CCDC141: variants seen among roughly 807,000 people sequenced by gnomAD.
CCDC141 encodes coiled-coil domain containing 141.
CCDC141 carries 168 observed loss-of-function variants against 181.0 expected under a neutral mutation model. The observed-to-expected ratio is 0.93, with a 90% CI of 0.82 to 1.05. CCDC141 has a LOEUF of 1.05. Among genes scored for constraint, CCDC141 ranks in the 50% least tolerant of loss-of-function variants. The pLI is 0.00. For synonymous variants in CCDC141, 666 were observed against 642.3 expected (o/e 1.04, Z -0.56); for missense variants, 1,902 against 1,788.5 (o/e 1.06, Z -1.14).
chr2:178,989,607 AATAAAT>A (rs1449608315), intron 2 of CCDC141, among the ~76,000 whole-genome samples: 1 of 130,118 alleles, frequency 7.7e-6, no homozygotes, highest in African/African-American at 3.6e-5. Flanking sequence ...AAAAAAAAAA[AATAAAT>A]AAATAAATAA....
chr2:179,049,885 A>C lies in CCDC141; in HGVS notation c.57T>G (p.Val19=), dbSNP rs1484426281. The change falls in exon 1 of 24, where the codon GTT becomes GTG. Residue 19 remains valine, a synonymous_variant. Coordinates refer to ENST00000443758, the MANE Select transcript of CCDC141 (RefSeq NM_173648.4). ...VALSTTTVSS[V]AVQAGDSKIV... is the part of the protein sequence containing the mutation. The stretch of plus-strand genomic sequence containing the variant: ...TTTTGGAGTCCCCAGCCTGCACAGC[A>C]ACTGAACTGACTGTCGTCGTAGAAA... 6.4e-7 allele frequency: 1 copy of C among 1,550,804 alleles called. No homozygotes were observed. Among genetic ancestry groups the C allele is most frequent in the Admixed American group, 2.0e-5 (1 of 51,006 alleles).
chr2:179,019,495 T>C (rs2042635100), intron 2 of CCDC141, among the ~76,000 whole-genome samples: 1 of 152,144 alleles, frequency 6.6e-6, no homozygotes, highest in Non-Finnish European at 1.5e-5. Context: ...TTTAATGACG[T>C]AATATTTATT....
intron 12 of CCDC141, chr2:178,874,585 T>C (rs1686273278): frequency 6.6e-6 from 1 of 152,248 alleles, no homozygotes; most frequent in African/African-American, 2.4e-5. Context: ...GGCAGAGCAG[T>C]GCTTTTGCTT....
At chr2:178,982,902 T>C (rs757046911) in intron 2 of CCDC141, among the ~76,000 whole-genome samples, 16 of 152,196 alleles carry the variant, frequency 1.1e-4, no homozygotes, top group Non-Finnish European at 2.1e-4. Context: ...GCTCCCACCA[T>C]TGCCCAGGCT....
chr2:179,016,930 T>G (rs1033849550), intron 2 of CCDC141, among the ~76,000 whole-genome samples: 3 of 152,040 alleles, frequency 2.0e-5, no homozygotes, highest in Non-Finnish European at 4.4e-5. Context: ...AGGCAAATAT[T>G]TGATACAAAA....
In CCDC141 at chr2:178,837,454, G is replaced by A; in HGVS notation, c.3765C>T (p.Thr1255=). ...HISSYGVQAG[T]SSPGDAQESV... Reference sequence around the variant, plus strand: ...ATTCCTGGGCATCCCCTGGGCTGCTGGTCCCAGCCTGCACCCCATAGCTGC... The same window carrying A: ...ATTCCTGGGCATCCCCTGGGCTGCTAGTCCCAGCCTGCACCCCATAGCTGC... The change falls in exon 23 of 24, where the codon ACC becomes ACT. Residue 1255 remains threonine, a synonymous_variant. Transcript: ENST00000443758. 1 of 1,614,068 alleles carries A rather than the reference G, an allele frequency of 6.2e-7. No homozygotes were observed. The highest frequency in any genetic ancestry group is 2.2e-5 in the East Asian group (1 of 44,856).
intron 7 of CCDC141, among the ~76,000 whole-genome samples, chr2:178,918,348 C>T (rs1200817553): frequency 6.6e-6 from 1 of 152,066 alleles, no homozygotes; most frequent in Non-Finnish European, 1.5e-5. Context: ...GTCGAGGCTG[C>T]AGTAAGCTAT....
rs75562656 is a variant in CCDC141 at position 178,962,338 on chromosome 2, C to T, written c.527-855G>A. 9.7e-3 allele frequency among the ~76,000 whole-genome samples: 1,480 copies of T among 152,306 alleles called. 23 individuals carry two copies. Among genetic ancestry groups the T allele is most frequent in the African/African-American group, 0.033 (1,373 of 41,566 alleles). On this transcript the variant is annotated intron_variant, in intron 4 of 23. Coordinates refer to ENST00000443758, the MANE Select transcript of CCDC141 (RefSeq NM_173648.4). ...GAAGGAGCAGTTGGGGAACTGTCCA[C>T]TCTCCATCAGGCAGAAAGAAGGAGC... is the stretch of plus-strand genomic sequence containing the variant.
chr2:178,871,171 C>T (rs1436031162), intron 14 of CCDC141, among the ~76,000 whole-genome samples: 1 of 152,052 alleles, frequency 6.6e-6, no homozygotes. Context: ...GTTTAATTAG[C>T]CATGTGAATT....
chr2:179,027,383 G>A (rs190378804), intron 2 of CCDC141, among the ~76,000 whole-genome samples: 36 of 152,196 alleles, frequency 2.4e-4, no homozygotes, highest in East Asian at 5.8e-4. Flanking sequence ...GGTGGCTCAC[G>A]CCTGTAATCC....
chr2:178,944,993 G>A (rs143069788), intron 5 of CCDC141, among the ~76,000 whole-genome samples: 1 of 152,166 alleles, frequency 6.6e-6, no homozygotes, highest in African/African-American at 2.4e-5. Context: ...TTCTTTCCTG[G>A]AAATGAATAT....
intron 6 of CCDC141, among the ~76,000 whole-genome samples, chr2:178,938,036 A>G (rs945728743): frequency 3.3e-5 from 5 of 151,942 alleles, no homozygotes; most frequent in Non-Finnish European, 5.9e-5. Flanking sequence ...GATCTTTTGA[A>G]TGTTTTTTCA....
At chr2:178,891,727 G>A (rs954907785) in intron 8 of CCDC141, among the ~76,000 whole-genome samples, 33 of 151,950 alleles carry the variant, frequency 2.2e-4, no homozygotes, top group African/African-American at 7.7e-4. Context: ...TTGCTTTTTA[G>A]CAACCTGCAA....
intron 5 of CCDC141, among the ~76,000 whole-genome samples, chr2:178,960,919 G>A (rs1463043291): frequency 6.6e-6 from 1 of 152,142 alleles, no homozygotes; most frequent in Non-Finnish European, 1.5e-5. Flanking sequence ...ATTTCAAAAT[G>A]TCAAAGCAAC....
intron 2 of CCDC141, among the ~76,000 whole-genome samples, chr2:178,998,301 G>C (rs1437681838): frequency 6.6e-6 from 1 of 152,070 alleles, no homozygotes; most frequent in Non-Finnish European, 1.5e-5. Context: ...TTACAGTTCA[G>C]GGAAGATAAT....
chr2:178,934,136 G>C (rs1689199267), intron 6 of CCDC141, among the ~76,000 whole-genome samples: 1 of 151,966 alleles, frequency 6.6e-6, no homozygotes, highest in African/African-American at 2.4e-5. Flanking sequence ...CCAGTGTGCA[G>C]CCAGAGTTGA....
intron 5 of CCDC141, among the ~76,000 whole-genome samples, chr2:178,960,875 T>C (rs1234539692): frequency 6.6e-6 from 1 of 152,226 alleles, no homozygotes; most frequent in Non-Finnish European, 1.5e-5. Flanking sequence ...AGCAGCATCA[T>C]GCCTCTTCAA....
intron 4 of CCDC141, among the ~76,000 whole-genome samples, chr2:178,965,799 G>A: frequency 6.6e-6 from 1 of 152,276 alleles, no homozygotes; most frequent in South Asian, 2.1e-4. Flanking sequence ...GGGTGCTAAA[G>A]CCAGGGAGCC....
chr2:178,891,953 T>C (rs1575177894), intron 8 of CCDC141, among the ~76,000 whole-genome samples: 2 of 152,156 alleles, frequency 1.3e-5, no homozygotes. Flanking sequence ...TTATAAGTAG[T>C]AGAATATCAA....
Sources: allele counts gnomAD v4.1 joint callset (sites outside exome capture counted in the v4.1 genomes callset), GRCh38; gene constraint gnomAD v4.1.1; transcripts MANE v1.5; gene names NCBI Gene and HGNC (gene_info 2026-07-23, HGNC 2026-07-21).